The following GRID2 variants were observed in gnomAD, a reference collection of about 807,000 sequenced individuals.
GRID2 encodes glutamate receptor ionotropic, delta-2.
In GRID2, 33 loss-of-function variants were observed where a neutral mutation model predicts 114.8. That is an observed-to-expected ratio of 0.29 (90% CI 0.22 to 0.38). GRID2 has a LOEUF of 0.38. GRID2 is among the 10% of genes least tolerant of loss of function. GRID2 has a pLI of 1.00. For missense variants in GRID2, 1,184 were observed against 1,257.7 expected (o/e 0.94, Z 0.89); for synonymous variants, 505 against 449.9 (o/e 1.12, Z -1.55).
intron 2 of GRID2, among the ~76,000 whole-genome samples, chr4:93,053,556 T>C (rs1726926258): frequency 6.6e-6 from 1 of 151,954 alleles, no homozygotes; most frequent in Non-Finnish European, 1.5e-5. Context: ...AAATGAAGAC[T>C]TAGCTTCCCA....
In GRID2 at chr4:92,926,511, A is replaced by T. The variant is rs369521056; in HGVS notation, c.245-158484A>T. 7.2e-5 allele frequency among the ~76,000 whole-genome samples: 11 copies of T among 152,136 alleles called. No homozygotes were observed. In the East Asian group the frequency reaches 1.4e-3, roughly 19 times the overall value. ...TTTTAATGATTTCTAAACAAGGCAT[A>T]TAAATATGCTATATACATCATATTA... On this transcript the variant is annotated intron_variant, in intron 2 of 15. Transcript: ENST00000282020.
intron 2 of GRID2, among the ~76,000 whole-genome samples, chr4:92,706,543 G>T (rs1734966166): frequency 6.6e-6 from 1 of 152,074 alleles, no homozygotes. Flanking sequence ...TGGGAATGAT[G>T]CTGTCCTCTA....
intron 1 of GRID2, among the ~76,000 whole-genome samples, chr4:92,307,927 C>A (rs958056127): frequency 2.6e-5 from 4 of 152,122 alleles, no homozygotes; most frequent in African/African-American, 9.7e-5. Context: ...TCATCAGACC[C>A]ACATTACTTG....
At chr4:93,098,760 T>A (rs1408155785) in intron 3 of GRID2, among the ~76,000 whole-genome samples, 1 of 151,912 alleles carries the variant, frequency 6.6e-6, no homozygotes, top group Non-Finnish European at 1.5e-5. Context: ...GTAGATCTAT[T>A]AGAATGGATT....
At chr4:92,405,135 G>C (rs1730965112) in intron 1 of GRID2, among the ~76,000 whole-genome samples, 1 of 152,114 alleles carries the variant, frequency 6.6e-6, no homozygotes, top group African/African-American at 2.4e-5. Flanking sequence ...AGAACTGCCT[G>C]GGTTTGAAGA....
At chr4:93,392,921 T>C (rs879415969) in intron 8 of GRID2, among the ~76,000 whole-genome samples, 2 of 152,058 alleles carry the variant, frequency 1.3e-5, no homozygotes, top group Non-Finnish European at 2.9e-5. Context: ...TGTTAAATAA[T>C]AATGGTAAGG....
chr4:93,662,129 T>C (rs953241338), intron 14 of GRID2, among the ~76,000 whole-genome samples: 2 of 152,178 alleles, frequency 1.3e-5, no homozygotes, highest in Admixed American at 6.5e-5. Flanking sequence ...TAAAAAGCTC[T>C]TGGATTTTTT....
chr4:93,616,861 G>C (rs546271149), intron 13 of GRID2, among the ~76,000 whole-genome samples: 2 of 149,486 alleles, frequency 1.3e-5, no homozygotes, highest in South Asian at 2.1e-4. Context: ...CAGGCGTGGT[G>C]GTGGGCGCCT....
intron 1 of GRID2, among the ~76,000 whole-genome samples, chr4:92,435,122 A>C (rs989691328): frequency 6.6e-6 from 1 of 152,088 alleles, no homozygotes; most frequent in Non-Finnish European, 1.5e-5. Flanking sequence ...ACTGAGCCCT[A>C]TGTAAGTGGG....
At chr4:92,479,423 A>C (rs576900439) in intron 1 of GRID2, among the ~76,000 whole-genome samples, 3 of 152,268 alleles carry the variant, frequency 2.0e-5, no homozygotes, top group South Asian at 2.1e-4. Context: ...TTTCCAGAGA[A>C]AGTTTTACAA....
chr4:92,453,396 A>C (rs965666568), intron 1 of GRID2, among the ~76,000 whole-genome samples: 1 of 152,198 alleles, frequency 6.6e-6, no homozygotes, highest in Admixed American at 6.5e-5. Flanking sequence ...TTGCTCAGTC[A>C]TTAGCAGAGA....
intron 2 of GRID2, among the ~76,000 whole-genome samples, chr4:92,994,521 A>G (rs990363318): frequency 6.6e-6 from 1 of 151,900 alleles, no homozygotes; most frequent in African/African-American, 2.4e-5. Context: ...ATGGGATTTC[A>G]CCATGTTGGC....
At chr4:93,506,383 T>G (rs755571770) in intron 12 of GRID2, among the ~76,000 whole-genome samples, 14 of 152,148 alleles carry the variant, frequency 9.2e-5, no homozygotes, top group Admixed American at 2.0e-4. Flanking sequence ...GATGTGCCCT[T>G]CTCATGAATC....
At chr4:93,540,115 T>C (rs1732512140) in intron 13 of GRID2, among the ~76,000 whole-genome samples, 1 of 152,082 alleles carries the variant, frequency 6.6e-6, no homozygotes, top group African/African-American at 2.4e-5. Context: ...CTTGGAAATT[T>C]TCTATTCTTA....
chr4:92,728,483 G>T (rs1736169784), intron 2 of GRID2, among the ~76,000 whole-genome samples: 1 of 151,974 alleles, frequency 6.6e-6, no homozygotes, highest in Non-Finnish European at 1.5e-5. Flanking sequence ...TTCACCACGT[G>T]GGTCTTCCAT....
intron 10 of GRID2, among the ~76,000 whole-genome samples, chr4:93,432,117 G>A (rs1244189811): frequency 6.6e-6 from 1 of 152,156 alleles, no homozygotes; most frequent in Non-Finnish European, 1.5e-5. Flanking sequence ...ATTGAGGAAA[G>A]GGAAAGTGAC....
intron 8 of GRID2, among the ~76,000 whole-genome samples, chr4:93,370,390 AACAC>A (rs1762751847): frequency 6.9e-6 from 1 of 144,298 alleles, no homozygotes; most frequent in African/African-American, 2.8e-5. Flanking sequence ...CACACACACA[AACAC>A]ACACAAACAC....
At chr4:92,492,024 C>G (rs909790237) in intron 1 of GRID2, among the ~76,000 whole-genome samples, 7 of 152,114 alleles carry the variant, frequency 4.6e-5, no homozygotes, top group Non-Finnish European at 1.0e-4. Context: ...AGTCTATTCC[C>G]AGAATCCGAA....
intron 4 of GRID2, among the ~76,000 whole-genome samples, chr4:93,151,419 TTAATC>T (rs1024241990): frequency 6.3e-4 from 95 of 151,768 alleles, no homozygotes; most frequent in African/African-American, 2.2e-3. Context: ...GCATTTAACT[TTAATC>T]TCATCTCCTT....
Sources: gnomAD v4.1 joint callset for allele counts (sites outside exome capture counted in the v4.1 genomes callset) on GRCh38, gnomAD v4.1.1 for gene constraint, MANE v1.5 for transcripts, NCBI Gene and HGNC (gene_info 2026-07-23, HGNC 2026-07-21) for gene names.